The following TDRD6 variants were observed in gnomAD, a reference collection of about 807,000 sequenced individuals.
The protein encoded by TDRD6 is tudor domain containing 6.
A neutral mutation model predicts 157.5 loss-of-function variants in TDRD6; 186 were observed. The ratio of observed to expected loss-of-function variants is 1.18; its 90% CI spans 1.05 to 1.33. TDRD6 has a LOEUF of 1.33. Ranked by LOEUF, TDRD6 falls within the 40% of genes most tolerant of loss-of-function variation. The pLI is 0.00. For missense variants in TDRD6, 3,066 were observed against 2,508.0 expected (o/e 1.22, Z -4.75); for synonymous variants, 1,075 against 945.2 (o/e 1.14, Z -2.52).
the TDRD6 span, chr6:46,681,524 C>A: frequency 2.1e-6 from 1 of 470,852 alleles, no homozygotes; most frequent in Non-Finnish European, 4.4e-6. Context: ...TTACCCCCAA[C>A]AGGCTGCTGT....
chr6:46,692,209 G>A lies in TDRD6; in HGVS notation c.4081G>A (p.Ala1361Thr), dbSNP rs773644971. Residue 1361 changes from alanine to threonine, a missense_variant, in exon 1 of 4, where the codon GCT (alanine) becomes ACT (threonine). By Grantham distance (58) the Ala-to-Thr change is moderately conservative (BLOSUM62 0). Coordinates refer to ENST00000316081, the MANE Select transcript of TDRD6 (RefSeq NM_001010870.3). ...TTTGCAAAGAGGAGATATGATATGT[G>A]CTGTTTTCCCAGAAGATAATTTATG... ...PPLQRGDMIC[A>T]VFPEDNLWYR... 1.9e-6 allele frequency: 3 copies of A among 1,614,160 alleles called. No individual in the cohort carries two copies. The highest frequency in any genetic ancestry group is 3.3e-5 in the Admixed American group (2 of 60,020).
rs1468731124 is a variant in TDRD6, at chr6:46,704,040, T to A, written c.*2153T>A. On this transcript the variant is annotated 3_prime_UTR_variant, in exon 4 of 4. Transcript: ENST00000316081. ...CTGAAACAATGGCTTTTGCTTGTTC[T>A]AATTTTTCTTACCGTGACCAAAAGT... 1 of 157,700 alleles carries A rather than the reference T, an allele frequency of 6.3e-6. No homozygotes were observed. Among genetic ancestry groups the A allele is most frequent in the African/African-American group, 2.4e-5 (1 of 41,492 alleles). 9.8% of individuals were successfully genotyped at this position (157,700 alleles called of 1,614,324 possible).
rs758855307 is a variant in TDRD6 at position 46,703,026 on chromosome 6, CCTTAA to C, written c.*1144_*1148del. 8 of 152,082 alleles carry C rather than the reference CCTTAA, an allele frequency of 5.3e-5. No individual in the cohort carries two copies. Among genetic ancestry groups the C allele is most frequent in the Non-Finnish European group, 8.8e-5 (6 of 67,954 alleles). The allele number at this position is 152,082 out of a possible 1,614,324, so 9.4% of individuals were successfully genotyped here. A position where few individuals can be genotyped will look rare whatever the true frequency, so the allele number is the denominator to read the frequency against. On this transcript the variant is annotated 3_prime_UTR_variant, in exon 4 of 4. Transcript: ENST00000316081. ...ACTATGTTAGGTTATTTCTTTTTAA[CCTTAA>C]CTTATTAGATATTTTCAATAGTTAT...
Position 46,689,814 on chromosome 6 carries a change from C to T in TDRD6, c.1686C>T (p.Asp562=), listed in dbSNP as rs1386474136. Residue 562 remains aspartate (D), a synonymous_variant, in exon 1 of 4, where the codon GAC becomes GAT. Transcript: ENST00000316081. ...GGGCCATAGTCACCAAATTGGATGA[C>T]AAGAGTGTGGATGTATTCTTAGTTG... is the stretch of plus-strand genomic sequence containing the variant. ...YYRAIVTKLD[D]KSVDVFLVDR... 1.2e-6 allele frequency: 2 copies of T among 1,613,992 alleles called. No homozygotes were observed. The highest frequency in any genetic ancestry group is 1.7e-6 in the Non-Finnish European group (2 of 1,180,026).
chr6:46,687,438 G>C (rs1764125113), upstream of TDRD6, among the ~76,000 whole-genome samples: 1 of 152,188 alleles, frequency 6.6e-6, no homozygotes, highest in Admixed American at 6.5e-5. Context: ...TTAAAGAATA[G>C]AGGCTGAGCA....
At chr6:46,696,468 ATG>A (rs66827473) in intron 2 of TDRD6, among the ~76,000 whole-genome samples, 1 of 113,060 alleles carries the variant, frequency 8.8e-6, no homozygotes. Flanking sequence ...ATATATGTAT[ATG>A]TGTGTATATA....
At position 46,688,228 on chromosome 6, in the gene TDRD6, G is replaced by A. The variant is rs754964367; in HGVS notation, c.100G>A (p.Gly34Arg). 8.5e-6 allele frequency: 13 copies of A among 1,531,634 alleles called. No individual in the cohort carries two copies. The highest frequency in any genetic ancestry group is 2.4e-5 in the East Asian group (1 of 40,998). 94.9% of individuals were successfully genotyped at this position (1,531,634 alleles called of 1,614,324 possible). The change falls in exon 1 of 4, where the codon GGG becomes AGG. Residue 34 changes from glycine to arginine, a missense_variant. Gly to Arg is a moderately radical substitution (Grantham distance 125). Transcript: ENST00000316081. ...HPDVIPVQLWGLVGERRGEYL... is the reference protein window; with the variant it reads ...HPDVIPVQLWRLVGERRGEYL... Reference sequence around the variant, plus strand: ...CGATGTGATCCCGGTGCAGCTGTGGGGGCTGGTGGGCGAGCGGCGGGGCGA... The same window carrying A: ...CGATGTGATCCCGGTGCAGCTGTGGAGGCTGGTGGGCGAGCGGCGGGGCGA...
At chr6:46,694,333 G>C (rs1764437856) in intron 1 of TDRD6, among the ~76,000 whole-genome samples, 159 bp downstream of exon 1, 1 of 151,438 alleles carries the variant, frequency 6.6e-6, no homozygotes, top group South Asian at 2.1e-4. Flanking sequence ...CTCCCAAGTA[G>C]CTGGGACTAC....
At chr6:46,700,639 A>G (rs895641945) in intron 3 of TDRD6, among the ~76,000 whole-genome samples, 2 of 152,180 alleles carry the variant, frequency 1.3e-5, no homozygotes, top group Non-Finnish European at 2.9e-5. Context: ...TGTCCTTAAT[A>G]AAGCATCTGT....
At chr6:46,685,358 T>A (rs1003985401), upstream of TDRD6, among the ~76,000 whole-genome samples, 12 of 152,208 alleles carry the variant, frequency 7.9e-5, no homozygotes, top group Non-Finnish European at 1.6e-4. Context: ...AACTATAGAC[T>A]GTAAAGTATA....
chr6:46,701,298 T>A (rs569025844), intron 3 of TDRD6, among the ~76,000 whole-genome samples: 4 of 152,266 alleles, frequency 2.6e-5, no homozygotes, highest in African/African-American at 7.2e-5. Flanking sequence ...ATCTTGAAAG[T>A]TAAATTATGA....
In TDRD6 at chr6:46,690,233, A is replaced by G; in HGVS notation, c.2105A>G (p.Lys702Arg). The change falls in exon 1 of 4, where the codon AAG becomes AGG. Residue 702 changes from lysine (K) to arginine (R), a missense_variant. Coordinates refer to ENST00000316081, the MANE Select transcript of TDRD6 (RefSeq NM_001010870.3). ...TTESNKIPFA[K>R]TGEGEQKAKR... is the part of the protein sequence containing the mutation. ...GAGAGTAACAAAATACCTTTTGCCA[A>G]GACTGGAGAAGGAGAGCAGAAAGCC... 6.2e-7 allele frequency: 1 copy of G among 1,613,808 alleles called. No individual in the cohort carries two copies. The highest frequency in any genetic ancestry group is 8.5e-7 in the Non-Finnish European group (1 of 1,179,960).
rs746393477 is a variant in TDRD6, at chr6:46,692,371, T to C, written c.4243T>C (p.Cys1415Arg). 1 of 1,614,206 alleles carries C rather than the reference T, an allele frequency of 6.2e-7. No homozygotes were observed. Among genetic ancestry groups the C allele is most frequent in the Non-Finnish European group, 8.5e-7 (1 of 1,180,032 alleles). The part of the protein sequence containing the change: ...DLVNAILPGL[C>R]IHCSLQGFEV... ...TGTTAATGCAATATTGCCGGGGTTG[T>C]GCATTCATTGCTCCTTGCAGGGATT... Residue 1415 changes from cysteine (C) to arginine (R), a missense_variant, in exon 1 of 4, where the codon TGC becomes CGC. Transcript: ENST00000316081.
chr6:46,701,039 C>G (rs867770272), intron 3 of TDRD6: 2 of 463,434 alleles, frequency 4.3e-6, no homozygotes, highest in Non-Finnish European at 8.9e-6. Context: ...TACTTCATGT[C>G]AGTGGGTGAT....
chr6:46,695,961 G>A lies in TDRD6; in HGVS notation c.6171+16G>A. ...AGGAACAAGGGTAAGTGATGTTTAA[G>A]TACTTTATCTCCAAATGTATTTGCA... is the stretch of plus-strand genomic sequence containing the variant. On this transcript the variant is annotated intron_variant, in intron 2 of 3. Transcript: ENST00000316081. 6.2e-7 allele frequency: 1 copy of A among 1,606,796 alleles called. No homozygotes were observed. The highest frequency in any genetic ancestry group is 8.5e-7 in the Non-Finnish European group (1 of 1,177,152).
chr6:46,689,688 G>A lies in TDRD6; in HGVS notation c.1560G>A (p.Met520Ile). 1.2e-6 allele frequency: 2 copies of A among 1,614,240 alleles called. No homozygotes were observed. The highest frequency in any genetic ancestry group is 1.7e-6 in the Non-Finnish European group (2 of 1,180,048). ...NVTFSKLMRRMCGFYSSASKL... is the reference protein window; with the variant it reads ...NVTFSKLMRRICGFYSSASKL... ...CCTTCAGTAAGCTGATGAGGAGAAT[G>A]TGTGGTTTCTATTCCTCTGCCAGTA... The change falls in exon 1 of 4, where the codon ATG becomes ATA. Residue 520 changes from methionine (M) to isoleucine (I), a missense_variant. Transcript: ENST00000316081.
intron 2 of TDRD6, among the ~76,000 whole-genome samples, chr6:46,697,040 A>G (rs1300239574): frequency 6.6e-6 from 1 of 152,152 alleles, no homozygotes; most frequent in Non-Finnish European, 1.5e-5. Context: ...TGGAACATAA[A>G]AGTCAAGCTC....
At position 46,692,464 on chromosome 6, in the gene TDRD6, G is replaced by A. The variant is rs1236768941; in HGVS notation, c.4336G>A (p.Ala1446Thr). 1.9e-6 allele frequency: 3 copies of A among 1,613,768 alleles called. No individual in the cohort carries two copies. The highest frequency in any genetic ancestry group is 2.7e-5 in the African/African-American group (2 of 74,912). Residue 1446 changes from alanine to threonine, a missense_variant, in exon 1 of 4, where the codon GCA (alanine) becomes ACA (threonine). Coordinates refer to ENST00000316081, the MANE Select transcript of TDRD6 (RefSeq NM_001010870.3). ...CTTTTCCCAACGGACCAGCGAGGCT[G>A]CAATAAGATGTGAATTTGTTAAATT... is the stretch of plus-strand genomic sequence containing the variant. ...HYFSQRTSEA[A>T]IRCEFVKFQD...
intron 3 of TDRD6, among the ~76,000 whole-genome samples, chr6:46,699,024 T>C (rs1764562523): frequency 6.6e-6 from 1 of 152,228 alleles, no homozygotes; most frequent in East Asian, 1.9e-4. Flanking sequence ...AGTAGTTAAG[T>C]GTCAAAGACT....
Sources: allele counts gnomAD v4.1 joint callset (sites outside exome capture counted in the v4.1 genomes callset), GRCh38; gene constraint gnomAD v4.1.1; transcripts MANE v1.5; gene names NCBI Gene and HGNC (gene_info 2026-07-23, HGNC 2026-07-21).